The following GRIN2A variants were observed in gnomAD, a reference collection of about 807,000 sequenced individuals.
The protein encoded by GRIN2A is glutamate ionotropic receptor NMDA type subunit 2A, also known as glutamate receptor ionotropic, NMDA 2A.
In GRIN2A, 22 loss-of-function variants were observed where a neutral mutation model predicts 113.4. The observed-to-expected ratio is 0.19, with a 90% CI of 0.14 to 0.28. The LOEUF (loss-of-function observed/expected upper bound fraction) is 0.28, where lower values mean the gene tolerates loss of function less well. GRIN2A is among the 10% of genes least tolerant of loss of function. GRIN2A has a pLI of 1.00. For missense variants in GRIN2A, 1,502 were observed against 1,887.0 expected (o/e 0.80, Z 3.78); for synonymous variants, 827 against 738.4 (o/e 1.12, Z -1.94).
intron 11 of GRIN2A, among the ~76,000 whole-genome samples, chr16:9,786,189 A>C (rs1027347895): frequency 2.0e-5 from 3 of 152,212 alleles, no homozygotes; most frequent in African/African-American, 4.8e-5. Flanking sequence ...TGTGGGGAAC[A>C]AGCAATTCCA....
At chr16:10,111,937 A>T in intron 2 of GRIN2A, 1 of 749,278 alleles carries the variant, frequency 1.3e-6, no homozygotes, top group Non-Finnish European at 2.4e-6. Flanking sequence ...GATCAAGCTG[A>T]TGGTGGCTCC....
rs1177563823 is a variant in GRIN2A, at chr16:9,755,612, A to T, written c.*7537T>A. 1 of 186,444 alleles carries T rather than the reference A, an allele frequency of 5.4e-6. No individual in the cohort carries two copies. The highest frequency in any genetic ancestry group is 1.1e-5 in the Non-Finnish European group (1 of 88,360). 11.5% of individuals were successfully genotyped at this position (186,444 alleles called of 1,614,324 possible). ...ATCAAATGGGCCTAATGCACCCCTC[A>T]CCTCTCAGTAAATATAAATGCCAGG... On this transcript the variant is annotated 3_prime_UTR_variant, in exon 13 of 13. Transcript: ENST00000330684.
intron 2 of GRIN2A, among the ~76,000 whole-genome samples, chr16:9,939,392 C>T (rs2044802592): frequency 6.6e-6 from 1 of 152,116 alleles, no homozygotes. Flanking sequence ...TGGCAGAAAT[C>T]CAAGCACATA....
rs1264972353 is a variant in GRIN2A, at chr16:9,760,767, T to G, written c.*2382A>C. 1.7e-5 allele frequency: 4 copies of G among 229,750 alleles called. No homozygotes were observed. Among genetic ancestry groups the G allele is most frequent in the Non-Finnish European group, 3.5e-5 (4 of 115,922 alleles). 14.2% of individuals were successfully genotyped at this position (229,750 alleles called of 1,614,324 possible). ...CTTTGGCTTGACGACAAATCACTCTTCTGTATTCTGGGAAGACTTTTTAAT... is the reference window on the plus strand; with the variant it reads ...CTTTGGCTTGACGACAAATCACTCTGCTGTATTCTGGGAAGACTTTTTAAT... On this transcript the variant is annotated 3_prime_UTR_variant, in exon 13 of 13. Transcript: ENST00000330684.
At chr16:10,108,394 A>T (rs184975584) in intron 2 of GRIN2A, among the ~76,000 whole-genome samples, 73 of 152,280 alleles carry the variant, frequency 4.8e-4, no homozygotes, top group African/African-American at 1.6e-3. Flanking sequence ...CTCCCACAAC[A>T]TGTGGGAATT....
intron 10 of GRIN2A, among the ~76,000 whole-genome samples, chr16:9,819,261 TG>T (rs1387919119): frequency 6.6e-6 from 1 of 152,194 alleles, no homozygotes; most frequent in African/African-American, 2.4e-5. Flanking sequence ...GACTCACTCC[TG>T]TAATCCCAGC....
intron 3 of GRIN2A, among the ~76,000 whole-genome samples, chr16:9,892,065 C>A (rs1047920042): frequency 6.6e-6 from 1 of 151,972 alleles, no homozygotes; most frequent in African/African-American, 2.4e-5. Flanking sequence ...CCCGTCTCTA[C>A]TAAAAATACA....
chr16:10,155,745 G>A (rs986687577), intron 2 of GRIN2A, among the ~76,000 whole-genome samples: 3 of 152,124 alleles, frequency 2.0e-5, no homozygotes, highest in South Asian at 2.1e-4. Flanking sequence ...TGAGAAGCAA[G>A]GTCACATCTT....
chr16:9,941,482 G>T (rs1033860585), intron 2 of GRIN2A, among the ~76,000 whole-genome samples: 2 of 152,362 alleles, frequency 1.3e-5, no homozygotes, highest in Admixed American at 1.3e-4. Flanking sequence ...CTGTGAAAGA[G>T]TAGGTGCAAA....
intron 11 of GRIN2A, among the ~76,000 whole-genome samples, chr16:9,796,714 G>T (rs1162476287): frequency 6.6e-6 from 1 of 152,206 alleles, no homozygotes; most frequent in Non-Finnish European, 1.5e-5. Flanking sequence ...GTGTGGAGCA[G>T]AGACCACACC....
intron 2 of GRIN2A, chr16:10,112,460 C>A: frequency 1.2e-6 from 1 of 843,828 alleles, no homozygotes; most frequent in Non-Finnish European, 2.1e-6. Flanking sequence ...GTGTGTCCAT[C>A]ATAGCCGATG....
At chr16:9,872,663 G>A (rs1009998240) in intron 4 of GRIN2A, among the ~76,000 whole-genome samples, 2 of 152,128 alleles carry the variant, frequency 1.3e-5, no homozygotes, top group African/African-American at 2.4e-5. Context: ...ATCCAATCAC[G>A]TCTTTTGCAG....
intron 2 of GRIN2A, among the ~76,000 whole-genome samples, chr16:10,177,286 A>G (rs2050167589): frequency 6.6e-6 from 1 of 152,132 alleles, no homozygotes; most frequent in African/African-American, 2.4e-5. Flanking sequence ...TTTTAAACCA[A>G]CTTCTCTTGG....
At chr16:9,812,560 C>T (rs902057281) in intron 10 of GRIN2A, among the ~76,000 whole-genome samples, 3 of 152,054 alleles carry the variant, frequency 2.0e-5, no homozygotes, top group East Asian at 1.9e-4. Flanking sequence ...ATCACTCAAA[C>T]CTCGGAGATG....
chr16:9,860,818 T>G (rs950540021), intron 4 of GRIN2A, among the ~76,000 whole-genome samples: 3 of 152,118 alleles, frequency 2.0e-5, no homozygotes, highest in East Asian at 1.9e-4. Context: ...TATGGTTTTG[T>G]AGAGTGTCAT....
intron 2 of GRIN2A, among the ~76,000 whole-genome samples, chr16:10,092,294 C>G (rs1188941995): frequency 6.6e-6 from 1 of 152,160 alleles, no homozygotes; most frequent in African/African-American, 2.4e-5. Context: ...GAAAAGGAGT[C>G]TTCTTACAGT....
intron 8 of GRIN2A, among the ~76,000 whole-genome samples, chr16:9,830,119 AGCAATT>A (rs1025428843): frequency 6.6e-6 from 1 of 152,250 alleles, no homozygotes; most frequent in African/African-American, 2.4e-5. Context: ...GATTGTCCCT[AGCAATT>A]GCTCCTGTTC....
At chr16:10,143,676 A>C (rs7191935) in intron 2 of GRIN2A, among the ~76,000 whole-genome samples, 13,365 of 152,240 alleles carry the variant, frequency 0.088, 608 homozygotes, top group South Asian at 0.11. Flanking sequence ...TTAAGAAAAC[A>C]AGATTGGGCA....
At chr16:10,031,968 T>C (rs1240594864) in intron 2 of GRIN2A, among the ~76,000 whole-genome samples, 1 of 152,200 alleles carries the variant, frequency 6.6e-6, no homozygotes, top group Non-Finnish European at 1.5e-5. Flanking sequence ...CCCACCCTAG[T>C]CTTCACATCT....
Sources: allele counts gnomAD v4.1 joint callset (sites outside exome capture counted in the v4.1 genomes callset), GRCh38; gene constraint gnomAD v4.1.1; transcripts MANE v1.5; gene names NCBI Gene and HGNC (gene_info 2026-07-23, HGNC 2026-07-21).